The following CRB1 variants were observed in gnomAD, a reference collection of about 807,000 sequenced individuals.
The protein encoded by CRB1 is crumbs cell polarity complex component 1.
Under a neutral mutation model 120.0 loss-of-function variants are expected in CRB1, and 83 were observed. The observed-to-expected ratio is 0.69, with a 90% CI of 0.58 to 0.83. CRB1 has a LOEUF of 0.83. CRB1 is among the 40% of genes least tolerant of loss of function. The probability of loss-of-function intolerance (pLI) is 0.00; values close to 1 mark genes in which losing one functional copy is unlikely to be tolerated. For synonymous variants in CRB1, 625 were observed against 612.5 expected (o/e 1.02, Z -0.30); for missense variants, 1,699 against 1,687.6 (o/e 1.01, Z -0.12).
At chr1:197,444,529 T>C (rs1665608046) in intron 11 of CRB1, 1 of 152,238 alleles carries the variant, frequency 6.6e-6, no homozygotes, top group South Asian at 2.1e-4. Context: ...TACTCCCTTC[T>C]AGACATACCT....
At chr1:197,404,401 C>T (rs1260604327) in intron 5 of CRB1, among the ~76,000 whole-genome samples, 1 of 141,934 alleles carries the variant, frequency 7.0e-6, no homozygotes, top group Admixed American at 7.2e-5. Context: ...GAGATCCCGC[C>T]ACTGCACTCC....
chr1:197,220,380 A>G, the CRB1 span, among the ~76,000 whole-genome samples: 1 of 152,190 alleles, frequency 6.6e-6, no homozygotes, highest in Admixed American at 6.5e-5. Flanking sequence ...GCAACATAAA[A>G]ACATTGGATT....
chr1:197,289,938 C>A (rs1219056426), intron 1 of CRB1, among the ~76,000 whole-genome samples: 1 of 151,080 alleles, frequency 6.6e-6, no homozygotes, highest in East Asian at 1.9e-4. Flanking sequence ...GATTATATAT[C>A]TGTAGCTATT....
At chr1:197,255,065 T>A in the CRB1 span, among the ~76,000 whole-genome samples, 1 of 152,090 alleles carries the variant, frequency 6.6e-6, no homozygotes, top group South Asian at 2.1e-4. Flanking sequence ...AGGTCTCTCA[T>A]GGTCATTTCC....
intron 8 of CRB1, among the ~76,000 whole-genome samples, chr1:197,431,479 A>T (rs957857610): frequency 1.3e-5 from 2 of 152,194 alleles, no homozygotes; most frequent in Admixed American, 6.6e-5. Flanking sequence ...CTTAATTATT[A>T]ATTTTACTGT....
intron 1 of CRB1, among the ~76,000 whole-genome samples, chr1:197,322,846 G>C (rs1360726074): frequency 6.6e-6 from 1 of 152,060 alleles, no homozygotes; most frequent in Non-Finnish European, 1.5e-5. Flanking sequence ...TTATGACTCT[G>C]TCTTCCTTTT....
the CRB1 span, among the ~76,000 whole-genome samples, chr1:197,221,501 G>GA: frequency 6.6e-6 from 1 of 152,082 alleles, no homozygotes; most frequent in Admixed American, 6.5e-5. Context: ...AGTTCTTTCT[G>GA]AAAAATAATT....
At chr1:197,370,985 C>T (rs151041407) in intron 5 of CRB1, among the ~76,000 whole-genome samples, 2 of 152,298 alleles carry the variant, frequency 1.3e-5, no homozygotes, top group African/African-American at 4.8e-5. Flanking sequence ...CTTATTATCG[C>T]TGATAACCTT....
At chr1:197,278,174 T>TA (rs1439915135) in intron 1 of CRB1, among the ~76,000 whole-genome samples, 1 of 151,802 alleles carries the variant, frequency 6.6e-6, no homozygotes, top group Admixed American at 6.6e-5. Context: ...GGGCCTTTGG[T>TA]AGGGGATTAG....
chr1:197,363,298 C>T lies in CRB1; in HGVS notation c.1171+6285C>T, dbSNP rs141944360. ...TCTATTCTCCATTGTTTGTCCTCCC[C>T]ACCTTAGGCCTCAAGAGTCTTTCTT... is the stretch of plus-strand genomic sequence containing the variant. On this transcript the variant is annotated intron_variant, in intron 5 of 11. Transcript: ENST00000367400. Among the ~76,000 whole-genome samples the T allele has an allele frequency of 2.2e-4, 34 of 152,168 alleles. No homozygotes were observed. In the East Asian group the frequency reaches 6.4e-3, roughly 29 times the overall value.
At chr1:197,413,274 T>G (rs548307174) in intron 5 of CRB1, among the ~76,000 whole-genome samples, 1 of 152,312 alleles carries the variant, frequency 6.6e-6, no homozygotes, top group South Asian at 2.1e-4. Flanking sequence ...TGTACAAAAT[T>G]AAATGCCATT....
At chr1:197,226,794 GT>G in the CRB1 span, among the ~76,000 whole-genome samples, 6 of 152,298 alleles carry the variant, frequency 3.9e-5, no homozygotes, top group Admixed American at 2.6e-4. Flanking sequence ...TGGACTTACA[GT>G]TCCACATGGC....
intron 5 of CRB1, among the ~76,000 whole-genome samples, chr1:197,412,675 A>G (rs1375491980): frequency 6.6e-6 from 1 of 152,222 alleles, no homozygotes; most frequent in Admixed American, 6.5e-5. Flanking sequence ...TTGTCTGCTT[A>G]GGCTTCCCCA....
At chr1:197,383,107 A>T (rs1273638704) in intron 5 of CRB1, among the ~76,000 whole-genome samples, 1 of 152,122 alleles carries the variant, frequency 6.6e-6, no homozygotes, top group Non-Finnish European at 1.5e-5. Context: ...AATGGGCCCA[A>T]AGTTACATTT....
At chr1:197,231,627 T>C in the CRB1 span, among the ~76,000 whole-genome samples, 1 of 152,096 alleles carries the variant, frequency 6.6e-6, no homozygotes, top group Non-Finnish European at 1.5e-5. Context: ...AATGCTAGAA[T>C]TGACATCCCA....
chr1:197,412,641 T>C lies in CRB1; in HGVS notation c.1172-8359T>C, dbSNP rs187491487. ...ACCCTGTAGCCCCCAATAGATACAT[T>C]TCCTCCTTTGGTCCTCAAGGCTGTT... is the stretch of plus-strand genomic sequence containing the variant. On this transcript the variant is annotated intron_variant, in intron 5 of 11. Transcript: ENST00000367400. 2.8e-3 allele frequency among the ~76,000 whole-genome samples: 422 copies of C among 152,276 alleles called. 12 individuals are homozygous for C. Among genetic ancestry groups the C allele is most frequent in the Admixed American group, 0.024 (367 of 15,286 alleles).
At chr1:197,317,267 A>G (rs1031884317) in intron 1 of CRB1, among the ~76,000 whole-genome samples, 2 of 152,082 alleles carry the variant, frequency 1.3e-5, no homozygotes, top group Admixed American at 1.3e-4. Context: ...AAAATACAAA[A>G]ATTAGCTTGG....
chr1:197,322,050 C>T (rs1309751977), intron 1 of CRB1, among the ~76,000 whole-genome samples: 2 of 152,170 alleles, frequency 1.3e-5, no homozygotes, highest in Admixed American at 6.5e-5. Context: ...GAGAGTTGCA[C>T]TATCCAACAC....
At chr1:197,215,865 A>C in the CRB1 span, among the ~76,000 whole-genome samples, 1 of 152,222 alleles carries the variant, frequency 6.6e-6, no homozygotes, top group Non-Finnish European at 1.5e-5. Flanking sequence ...CCAGTCATAC[A>C]TCATTTATAT....
Sources: gnomAD v4.1 joint callset for allele counts (sites outside exome capture counted in the v4.1 genomes callset) on GRCh38, gnomAD v4.1.1 for gene constraint, MANE v1.5 for transcripts, NCBI Gene and HGNC (gene_info 2026-07-23, HGNC 2026-07-21) for gene names.